The following NFIA variants were observed in gnomAD, a reference collection of about 807,000 sequenced individuals.
NFIA encodes the protein nuclear factor I A.
NFIA carries 8 observed loss-of-function variants against 62.8 expected under a neutral mutation model. The observed-to-expected ratio is 0.13, with a 90% confidence interval of 0.07 to 0.23. The LOEUF (loss-of-function observed/expected upper bound fraction) is 0.23, where lower values mean the gene tolerates loss of function less well. NFIA is among the 10% of genes least tolerant of loss of function. The pLI is 1.00. For missense variants in NFIA, 410 were observed against 642.1 expected (o/e 0.64, Z 3.91); for synonymous variants, 235 against 238.1 (o/e 0.99, Z 0.12).
chr1:61,113,552 C>T (rs1474232387), intron 2 of NFIA, among the ~76,000 whole-genome samples: 1 of 145,814 alleles, frequency 6.9e-6, no homozygotes, highest in Admixed American at 7.0e-5. Flanking sequence ...TGAGAGTGCA[C>T]CATTGCACTC....
Position 61,277,545 on chromosome 1 carries a change from C to A in NFIA, c.585C>A (p.Ser195Arg). ...ATTCAAGTCAATCTGAAAGTCCCAG[C>A]CAGCCAAGTGACGCTGACATTAAGG... The part of the protein sequence containing the change: ...AADSSQSESP[S>R]QPSDADIKDQ... Residue 195 changes from serine (S) to arginine (R), a missense_variant, in exon 3 of 11, where the codon AGC becomes AGA. Around this residue, in one of 3 missense-constraint regions of NFIA, gnomAD observed 298 missense variants for 438.1 expected, o/e 0.68. Coordinates refer to ENST00000403491, the MANE Select transcript of NFIA (RefSeq NM_001134673.4). 2 of 1,613,772 alleles carry A rather than the reference C, an allele frequency of 1.2e-6. No homozygotes were observed. The highest frequency in any genetic ancestry group is 1.7e-6 in the Non-Finnish European group (2 of 1,179,788).
In NFIA at chr1:61,456,017, A is replaced by C. The variant is rs765826275; in HGVS notation, c.*697A>C. 2.6e-5 allele frequency: 4 copies of C among 152,632 alleles called. No individual in the cohort carries two copies. The highest frequency in any genetic ancestry group is 1.5e-5 in the Non-Finnish European group (1 of 68,026). 9.5% of individuals were successfully genotyped at this position (152,632 alleles called of 1,614,324 possible). On this transcript the variant is annotated 3_prime_UTR_variant, in exon 11 of 11. Transcript: ENST00000403491. Reference sequence around the variant, plus strand: ...TACTACTACTGTTCAGTTTTTTAAAAGTTTTGAAATGCTGCACTTACATTT... The same window carrying C: ...TACTACTACTGTTCAGTTTTTTAAACGTTTTGAAATGCTGCACTTACATTT...
At chr1:61,271,402 C>G (rs1657498418) in intron 2 of NFIA, among the ~76,000 whole-genome samples, 1 of 152,144 alleles carries the variant, frequency 6.6e-6, no homozygotes, top group Admixed American at 6.6e-5. Flanking sequence ...AGTTGAATTT[C>G]TGTAAATTTA....
rs142976244 is a variant in NFIA, at chr1:61,359,351, A to T, written c.946+77A>T. On this transcript the variant is annotated intron_variant, in intron 6 of 10. Transcript: ENST00000403491. ...ACGTGTGGGGTCCCATGCCACGCAT[A>T]AAAGTGAAGAAAGAAAGCTCAAGGT... 2.0e-3 allele frequency: 3,149 copies of T among 1,594,662 alleles called. 6 individuals are homozygous for T. The highest frequency in any genetic ancestry group is 3.5e-3 in the Middle Eastern group (15 of 4,340).
chr1:61,235,507 A>AAATAAAT (rs765423106), intron 2 of NFIA, among the ~76,000 whole-genome samples: 3,659 of 138,274 alleles, frequency 0.026, 124 homozygotes, highest in African/African-American at 0.077. Context: ...AATAAATAAA[A>AAATAAAT]ATAAAAAATA....
intron 2 of NFIA, among the ~76,000 whole-genome samples, chr1:61,184,791 C>T (rs1050054155): frequency 4.8e-5 from 7 of 145,764 alleles, no homozygotes; most frequent in Middle Eastern, 3.4e-3. Context: ...CTTAGAGAAA[C>T]GAGAGGAAAA....
chr1:61,126,690 C>T (rs1646976807), intron 2 of NFIA, among the ~76,000 whole-genome samples: 1 of 149,996 alleles, frequency 6.7e-6, no homozygotes, highest in Non-Finnish European at 1.5e-5. Context: ...AACTTGTAGT[C>T]TATGTATAAG....
intron 1 of NFIA, among the ~76,000 whole-genome samples, chr1:61,083,043 C>G (rs559069965): frequency 6.6e-6 from 1 of 152,238 alleles, no homozygotes; most frequent in African/African-American, 2.4e-5. Flanking sequence ...CGGGTGCATT[C>G]CTCTTGCACG....
chr1:61,350,740 A>G (rs543537924), intron 4 of NFIA, among the ~76,000 whole-genome samples: 29 of 152,340 alleles, frequency 1.9e-4, no homozygotes, highest in African/African-American at 6.3e-4. Context: ...ATACCAAGCT[A>G]TCAGAAATCC....
At chr1:61,304,518 C>T (rs1659654026) in intron 3 of NFIA, among the ~76,000 whole-genome samples, 2 of 152,224 alleles carry the variant, frequency 1.3e-5, no homozygotes, top group African/African-American at 2.4e-5. Context: ...AGTTGGGATA[C>T]GTTTCAAATA....
intron 3 of NFIA, among the ~76,000 whole-genome samples, chr1:61,318,242 G>A (rs1024178889): frequency 2.0e-5 from 3 of 152,092 alleles, no homozygotes; most frequent in Non-Finnish European, 4.4e-5. Flanking sequence ...ACTAAGTCTG[G>A]AGAAGGTGGA....
chr1:61,272,175 A>C (rs758381560), intron 2 of NFIA, among the ~76,000 whole-genome samples: 1 of 152,188 alleles, frequency 6.6e-6, no homozygotes, highest in Non-Finnish European at 1.5e-5. Context: ...ATGATGGATA[A>C]TATTATATTT....
intron 3 of NFIA, among the ~76,000 whole-genome samples, chr1:61,310,760 C>A (rs1250693620): frequency 4.0e-5 from 6 of 150,992 alleles, no homozygotes; most frequent in African/African-American, 1.5e-4. Context: ...CTGCTTCTCC[C>A]TCTTTTCCTT....
intron 3 of NFIA, among the ~76,000 whole-genome samples, chr1:61,325,917 A>AGCTAGACT (rs2100378388): frequency 8.6e-6 from 1 of 116,614 alleles, no homozygotes; most frequent in East Asian, 2.8e-4. Flanking sequence ...TGGGAGACAG[A>AGCTAGACT]GCTAGACTCT....
At chr1:61,228,105 C>A (rs898295023) in intron 2 of NFIA, among the ~76,000 whole-genome samples, 4 of 152,104 alleles carry the variant, frequency 2.6e-5, no homozygotes. Flanking sequence ...GACTCATTCA[C>A]CCTGCTAAAG....
chr1:61,150,418 T>C (rs2100519799), intron 2 of NFIA, among the ~76,000 whole-genome samples: 1 of 152,326 alleles, frequency 6.6e-6, no homozygotes, highest in African/African-American at 2.4e-5. Flanking sequence ...TGGCTAGGCA[T>C]TGGAGTAACC....
intron 9 of NFIA, among the ~76,000 whole-genome samples, chr1:61,413,101 T>G (rs1666177339): frequency 6.6e-6 from 1 of 152,164 alleles, no homozygotes; most frequent in South Asian, 2.1e-4. Flanking sequence ...GAAAGACCTA[T>G]CAATATGTTT....
At chr1:61,319,027 T>C (rs1384775904) in intron 3 of NFIA, among the ~76,000 whole-genome samples, 1 of 152,070 alleles carries the variant, frequency 6.6e-6, no homozygotes, top group Non-Finnish European at 1.5e-5. Context: ...ATTCTGGTGG[T>C]TTCAGAGCAG....
intron 6 of NFIA, among the ~76,000 whole-genome samples, chr1:61,379,740 A>G (rs955824399): frequency 6.6e-6 from 1 of 151,874 alleles, no homozygotes; most frequent in African/African-American, 2.4e-5. Flanking sequence ...TTTTGTAGAG[A>G]TAAGGTCTCA....
Sources: gnomAD v4.1 joint callset for allele counts (sites outside exome capture counted in the v4.1 genomes callset) on GRCh38, gnomAD v4.1.1 for gene constraint, gnomAD v4.1.1 regional missense constraint, MANE v1.5 for transcripts, NCBI Gene and HGNC (gene_info 2026-07-23, HGNC 2026-07-21) for gene names.